The following NCALD variants were observed in gnomAD, a reference collection of about 807,000 sequenced individuals.
NCALD encodes the protein neurocalcin delta.
Under a neutral mutation model 18.6 loss-of-function variants are expected in NCALD, and 10 were observed. The observed-to-expected ratio is 0.54, with a 90% CI of 0.33 to 0.91. The LOEUF is 0.91. NCALD is among the 40% of genes least tolerant of loss of function. The pLI is 0.03. For synonymous variants in NCALD, 88 were observed against 87.4 expected, an observed-to-expected ratio of 1.01 and a Z score of -0.04; for missense variants, 184 against 247.6, an observed-to-expected ratio of 0.74 and a Z score of 1.72.
intron 1 of NCALD, among the ~76,000 whole-genome samples, chr8:102,040,199 C>T (rs1427378156): frequency 6.6e-6 from 1 of 152,110 alleles, no homozygotes; most frequent in African/African-American, 2.4e-5. Flanking sequence ...ATTATCTAAA[C>T]AGACCAGCAA....
intron 1 of NCALD, among the ~76,000 whole-genome samples, chr8:102,032,622 TAAAAAAAAAA>T (rs59283854): frequency 9.5e-6 from 1 of 104,988 alleles, no homozygotes. Flanking sequence ...GAAAAACTGC[TAAAAAAAAAA>T]AAAAAAAAAA....
At chr8:101,913,811 A>G (rs1290354301) in intron 3 of NCALD, among the ~76,000 whole-genome samples, 1 of 152,028 alleles carries the variant, frequency 6.6e-6, no homozygotes, top group Non-Finnish European at 1.5e-5. Flanking sequence ...CAAACTCCCA[A>G]CCTCACGTGA....
At chr8:102,005,126 A>G (rs1399653664) in intron 2 of NCALD, among the ~76,000 whole-genome samples, 2 of 152,178 alleles carry the variant, frequency 1.3e-5, no homozygotes, top group Non-Finnish European at 2.9e-5. Context: ...TTTGCAATCT[A>G]CTCATCTGAC....
chr8:101,813,486 G>T (rs946674156), intron 4 of NCALD, among the ~76,000 whole-genome samples: 1 of 152,132 alleles, frequency 6.6e-6, no homozygotes, highest in African/African-American at 2.4e-5. Flanking sequence ...AGGATACACA[G>T]CTAGTCGGTG....
intron 2 of NCALD, among the ~76,000 whole-genome samples, chr8:101,715,919 A>G (rs531532681): frequency 6.6e-6 from 1 of 152,358 alleles, no homozygotes; most frequent in South Asian, 2.1e-4. Context: ...GCGATTCCTC[A>G]AGGATCTAGA....
intron 3 of NCALD, chr8:101,690,158 C>G: frequency 2.3e-6 from 2 of 857,486 alleles, no homozygotes; most frequent in South Asian, 5.4e-5. Context: ...GGAGCACGTA[C>G]AGAATTCTCT....
chr8:101,832,600 CTAGAGG>C (rs1175862566), intron 4 of NCALD, among the ~76,000 whole-genome samples: 1 of 152,134 alleles, frequency 6.6e-6, no homozygotes, highest in Admixed American at 6.5e-5. Context: ...CCCCAAAGAG[CTAGAGG>C]TAGTTATTGC....
intron 1 of NCALD, among the ~76,000 whole-genome samples, chr8:102,066,919 C>G (rs1375276912): frequency 1.3e-5 from 2 of 152,246 alleles, no homozygotes; most frequent in African/African-American, 4.8e-5. Context: ...CCAGCTTCCT[C>G]TAAGCTCTAC....
At chr8:101,785,273 G>A (rs528285736) in intron 1 of NCALD, among the ~76,000 whole-genome samples, 3 of 152,228 alleles carry the variant, frequency 2.0e-5, no homozygotes, top group South Asian at 2.1e-4. Context: ...CTGCCTCCTC[G>A]GGGGATGGTG....
chr8:101,779,629 C>T (rs1404444912), intron 1 of NCALD, among the ~76,000 whole-genome samples: 1 of 152,072 alleles, frequency 6.6e-6, no homozygotes, highest in Non-Finnish European at 1.5e-5. Flanking sequence ...ACTTCATGAA[C>T]TATATTCCTT....
intron 3 of NCALD, among the ~76,000 whole-genome samples, chr8:101,903,705 G>T (rs1257978641): frequency 6.6e-6 from 1 of 152,080 alleles, no homozygotes; most frequent in Non-Finnish European, 1.5e-5. Context: ...TCCTTCCTGT[G>T]CCACAAAGGC....
intron 1 of NCALD, among the ~76,000 whole-genome samples, chr8:102,086,798 T>C (rs1422222001): frequency 6.6e-6 from 1 of 152,094 alleles, no homozygotes; most frequent in African/African-American, 2.4e-5. Context: ...CAGGATGAGA[T>C]AGGAGATCAG....
intron 4 of NCALD, among the ~76,000 whole-genome samples, chr8:101,804,215 G>A (rs1292679221): frequency 6.7e-6 from 1 of 149,290 alleles, no homozygotes; most frequent in Non-Finnish European, 1.5e-5. Flanking sequence ...CTAAAAATTA[G>A]CAATTTTAGA....
At chr8:101,751,809 G>A (rs980950432) in intron 1 of NCALD, among the ~76,000 whole-genome samples, 10 of 152,178 alleles carry the variant, frequency 6.6e-5, no homozygotes, top group Non-Finnish European at 1.2e-4. Flanking sequence ...CAAAGGTGGG[G>A]GTCAGCCATG....
intron 1 of NCALD, among the ~76,000 whole-genome samples, chr8:101,763,111 G>T (rs1040662671): frequency 2.0e-5 from 3 of 152,124 alleles, no homozygotes; most frequent in Non-Finnish European, 4.4e-5. Flanking sequence ...CAGGCACTGT[G>T]CTAGGCATTC....
At chr8:101,843,477 C>T (rs1363340337) in intron 4 of NCALD, among the ~76,000 whole-genome samples, 3 of 152,148 alleles carry the variant, frequency 2.0e-5, no homozygotes, top group African/African-American at 7.2e-5. Flanking sequence ...ACTAAACTAT[C>T]TCTGCCCTTC....
At chr8:101,929,289 G>C (rs868795071) in intron 2 of NCALD, among the ~76,000 whole-genome samples, 1 of 36,786 alleles carries the variant, frequency 2.7e-5, no homozygotes, top group African/African-American at 1.2e-4. Flanking sequence ...GGGAGGGAGG[G>C]AGGGAGGGAG....
chr8:101,740,330 C>G (rs1413185414), intron 1 of NCALD, among the ~76,000 whole-genome samples: 1 of 152,200 alleles, frequency 6.6e-6, no homozygotes, highest in Non-Finnish European at 1.5e-5. Flanking sequence ...TTCACATACA[C>G]TATTTCAGCA....
At chr8:102,089,936 C>G (rs1824868866) in intron 1 of NCALD, among the ~76,000 whole-genome samples, 1 of 152,126 alleles carries the variant, frequency 6.6e-6, no homozygotes, top group Admixed American at 6.5e-5. Flanking sequence ...CTAATCTGCT[C>G]TTTAACAAAA....
Sources: allele counts gnomAD v4.1 joint callset (sites outside exome capture counted in the v4.1 genomes callset), GRCh38; gene constraint gnomAD v4.1.1; transcripts MANE v1.5; gene names NCBI Gene and HGNC (gene_info 2026-07-23, HGNC 2026-07-21).